ARMC8: variants seen among roughly 807,000 people sequenced by gnomAD.
The protein encoded by ARMC8 is armadillo repeat containing 8.
Under a neutral mutation model 99.3 loss-of-function variants are expected in ARMC8, and 20 were observed. The observed-to-expected ratio is 0.20, with a 90% CI of 0.14 to 0.29. The LOEUF (loss-of-function observed/expected upper bound fraction) is 0.29, where lower values mean the gene tolerates loss of function less well. Ranked by LOEUF, ARMC8 falls within the 10% of genes least tolerant of loss-of-function variation. ARMC8 has a pLI of 1.00. For synonymous variants in ARMC8, 263 were observed against 278.3 expected, an observed-to-expected ratio of 0.95 and a Z score of 0.55; for missense variants, 569 against 809.5, an observed-to-expected ratio of 0.70 and a Z score of 3.60.
chr3:138,246,571 G>C (rs1448614416), intron 12 of ARMC8: 1 of 985,612 alleles, frequency 1.0e-6, no homozygotes. Flanking sequence ...GGGCCCATTA[G>C]AAACAGGAGA....
At chr3:138,292,579 C>T (rs1323636901) in intron 21 of ARMC8, among the ~76,000 whole-genome samples, 1 of 152,146 alleles carries the variant, frequency 6.6e-6, no homozygotes. Context: ...AGGAAAATGT[C>T]TAGGGTTTTA....
intron 1 of ARMC8, among the ~76,000 whole-genome samples, chr3:138,193,137 T>G (rs1286457116): frequency 1.3e-5 from 2 of 151,656 alleles, no homozygotes; most frequent in Non-Finnish European, 2.9e-5. Context: ...CCTGGCTAAT[T>G]TTTGTATTTT....
At chr3:138,255,453 T>C (rs960418412) in intron 12 of ARMC8, among the ~76,000 whole-genome samples, 11 of 151,998 alleles carry the variant, frequency 7.2e-5, no homozygotes, top group South Asian at 2.1e-4. Flanking sequence ...CCGCCCGCCT[T>C]GGCCTCCCAA....
chr3:138,194,555 G>T (rs575711123), intron 1 of ARMC8, among the ~76,000 whole-genome samples: 1 of 151,032 alleles, frequency 6.6e-6, no homozygotes, highest in Admixed American at 6.6e-5. Flanking sequence ...AGCCAGGATG[G>T]TCTCGATCTC....
intron 12 of ARMC8, among the ~76,000 whole-genome samples, chr3:138,249,189 A>G (rs978900123): frequency 1.3e-5 from 2 of 152,192 alleles, no homozygotes; most frequent in Non-Finnish European, 2.9e-5. Flanking sequence ...ATTATCTTAT[A>G]TGCTCTTGTC....
intron 6 of ARMC8, among the ~76,000 whole-genome samples, chr3:138,232,566 A>G (rs1354688462): frequency 6.6e-6 from 1 of 152,244 alleles, no homozygotes; most frequent in Non-Finnish European, 1.5e-5. Context: ...TAAAAGACGG[A>G]AAACAATCTA....
intron 3 of ARMC8, 136 bp downstream of exon 3, chr3:138,222,133 T>C (rs1214296730): frequency 1.5e-6 from 1 of 657,344 alleles, no homozygotes; most frequent in East Asian, 2.8e-5. Context: ...AAAATAAATG[T>C]AAGTATTTAA....
chr3:138,239,611 A>G, intron 10 of ARMC8, 83 bp downstream of exon 10: 1 of 869,372 alleles, frequency 1.2e-6, no homozygotes, highest in Non-Finnish European at 1.8e-6. Flanking sequence ...ATTTCATTTT[A>G]CACATTTATC....
At position 138,231,717 on chromosome 3, in the gene ARMC8, G is replaced by A. The variant is rs1257873780; in HGVS notation, c.528+2707G>A. Among the ~76,000 whole-genome samples, 7 of 151,954 alleles carry A rather than the reference G, an allele frequency of 4.6e-5. No homozygotes were observed. In the East Asian group the frequency reaches 1.4e-3, roughly 30 times the overall value. On this transcript the variant is annotated intron_variant, in intron 6 of 21. Transcript: ENST00000469044. ...CCTTGAGCGAGAGGATCCCAAGCGAGAGGATCCCTTGAGCTCAGAAGTTCA... is the reference window on the plus strand; with the variant it reads ...CCTTGAGCGAGAGGATCCCAAGCGAAAGGATCCCTTGAGCTCAGAAGTTCA...
chr3:138,221,560 G>A (rs985222524), intron 2 of ARMC8, among the ~76,000 whole-genome samples: 2 of 152,088 alleles, frequency 1.3e-5, no homozygotes, highest in South Asian at 2.1e-4. Context: ...ATGTTCTGTG[G>A]GCTGTTTTTT....
chr3:138,213,018 C>T (rs1051111686), intron 2 of ARMC8, among the ~76,000 whole-genome samples: 1 of 152,144 alleles, frequency 6.6e-6, no homozygotes, highest in Non-Finnish European at 1.5e-5. Context: ...GTGTAGTTAA[C>T]AGTTGCTTGG....
At chr3:138,190,281 CTTTTTTTTTTT>C (rs141579108) in intron 1 of ARMC8, among the ~76,000 whole-genome samples, 2 of 114,370 alleles carry the variant, frequency 1.7e-5, no homozygotes, top group African/African-American at 3.6e-5. Flanking sequence ...ATTTTCTTAT[CTTTTTTTTTTT>C]TTTTTTTTTT....
At chr3:138,242,690 T>C (rs551406846) in intron 11 of ARMC8, among the ~76,000 whole-genome samples, 27 of 152,366 alleles carry the variant, frequency 1.8e-4, no homozygotes, top group Middle Eastern at 3.4e-3. Flanking sequence ...TAGCCAGTAC[T>C]GTTTCATGAA....
At chr3:138,280,578 C>T (rs1422305842) in intron 18 of ARMC8, among the ~76,000 whole-genome samples, 2 of 151,424 alleles carry the variant, frequency 1.3e-5, no homozygotes, top group African/African-American at 4.9e-5. Context: ...ACTGCAAGCT[C>T]CGTCTTCCGG....
intron 3 of ARMC8, 116 bp downstream of exon 3, chr3:138,222,113 C>A: frequency 5.7e-6 from 4 of 706,974 alleles, no homozygotes; most frequent in South Asian, 2.3e-5. Context: ...TAAAATAAAT[C>A]CTATTTTTAA....
chr3:138,201,809 T>G (rs923840574), intron 1 of ARMC8, among the ~76,000 whole-genome samples: 1 of 152,214 alleles, frequency 6.6e-6, no homozygotes, highest in African/African-American at 2.4e-5. Context: ...TTCAGATTAC[T>G]CATCCTTACT....
At chr3:138,275,340 G>T (rs1401375469) in intron 18 of ARMC8, among the ~76,000 whole-genome samples, 1 of 152,064 alleles carries the variant, frequency 6.6e-6, no homozygotes, top group African/African-American at 2.4e-5. Context: ...GGCGGATCAC[G>T]AGGTCAGGAG....
At position 138,296,078 on chromosome 3, in the gene ARMC8, T is replaced by G. The variant is rs776421169; in HGVS notation, c.*186T>G. On this transcript the variant is annotated 3_prime_UTR_variant, in exon 22 of 22. Transcript: ENST00000469044. ...AGAACATTTTTTTGAGGTAGTAATT[T>G]CCTCAGAAGACTCTTGTGTTTTGTT... 3.8e-6 allele frequency: 2 copies of G among 524,736 alleles called. No homozygotes were observed. The highest frequency in any genetic ancestry group is 6.6e-6 in the Non-Finnish European group (2 of 303,656). 32.5% of individuals were successfully genotyped at this position (524,736 alleles called of 1,614,324 possible).
intron 18 of ARMC8, among the ~76,000 whole-genome samples, chr3:138,282,945 T>G (rs1398968693): frequency 6.6e-6 from 1 of 152,210 alleles, no homozygotes; most frequent in Non-Finnish European, 1.5e-5. Flanking sequence ...AGTTTCACCA[T>G]GTACCAGTGC....
Sources: allele counts gnomAD v4.1 joint callset (sites outside exome capture counted in the v4.1 genomes callset), GRCh38; gene constraint gnomAD v4.1.1; transcripts MANE v1.5; gene names NCBI Gene and HGNC (gene_info 2026-07-23, HGNC 2026-07-21).